The following MKLN1 variants were observed in gnomAD, a reference collection of about 807,000 sequenced individuals.
The protein encoded by MKLN1 is muskelin.
MKLN1 carries 18 observed loss-of-function variants against 99.0 expected under a neutral mutation model. The observed-to-expected ratio is 0.18, with a 90% CI of 0.13 to 0.27. The LOEUF is 0.27. Among genes scored for constraint, MKLN1 ranks in the 10% least tolerant of loss-of-function variants. The pLI is 1.00. For synonymous variants in MKLN1, 288 were observed against 293.2 expected, an observed-to-expected ratio of 0.98 and a Z score of 0.18; for missense variants, 621 against 875.9, an observed-to-expected ratio of 0.71 and a Z score of 3.67.
intron 3 of MKLN1, among the ~76,000 whole-genome samples, chr7:131,237,916 G>A (rs545959020): frequency 6.6e-6 from 1 of 152,316 alleles, no homozygotes; most frequent in East Asian, 1.9e-4. Flanking sequence ...GGAGGCCGAG[G>A]CAGGTGGATC....
At chr7:131,215,895 G>C (rs367797609) in intron 3 of MKLN1, among the ~76,000 whole-genome samples, 54 of 152,088 alleles carry the variant, frequency 3.6e-4, no homozygotes, top group East Asian at 1.4e-3. Flanking sequence ...AGTTTGTTTG[G>C]GGGGGATAGG....
At chr7:131,141,576 T>G (rs1050956404) in intron 1 of MKLN1, among the ~76,000 whole-genome samples, 10 of 152,208 alleles carry the variant, frequency 6.6e-5, no homozygotes, top group African/African-American at 2.4e-4. Context: ...TAAACTACTT[T>G]TAGTACTCAC....
intron 3 of MKLN1, among the ~76,000 whole-genome samples, chr7:131,273,042 C>T (rs940397089): frequency 6.6e-6 from 1 of 152,216 alleles, no homozygotes; most frequent in African/African-American, 2.4e-5. Flanking sequence ...CAGAAGATAT[C>T]ACAGTCTGGT....
chr7:131,296,159 C>T (rs184188332), intron 3 of MKLN1, among the ~76,000 whole-genome samples: 1 of 152,160 alleles, frequency 6.6e-6, no homozygotes, highest in East Asian at 1.9e-4. Context: ...GGAATTTATC[C>T]TACAGAGAGT....
intron 3 of MKLN1, among the ~76,000 whole-genome samples, chr7:131,210,080 G>A (rs963393135): frequency 6.6e-6 from 1 of 152,156 alleles, no homozygotes; most frequent in African/African-American, 2.4e-5. Context: ...ATATAAGAAG[G>A]TTAAGGGAAA....
rs1204193999 is a variant in MKLN1, at chr7:131,449,353, T to C, written c.1525+3450T>C. On this transcript the variant is annotated intron_variant, in intron 12 of 17. Transcript: ENST00000352689. ...AAATGCAAGGAGTTTGGATTTTTTT[T>C]CTGAATAAAATAGATTATTCAAAGG... is the stretch of plus-strand genomic sequence containing the variant. Among the ~76,000 whole-genome samples, 5 of 152,222 alleles carry C rather than the reference T, an allele frequency of 3.3e-5. 1 individual carries two copies. The East Asian group carries it at 9.6e-4, about 29-fold the overall frequency.
chr7:131,372,600 A>G (rs1000962038), intron 1 of MKLN1, among the ~76,000 whole-genome samples: 2 of 152,100 alleles, frequency 1.3e-5, no homozygotes, highest in African/African-American at 4.8e-5. Context: ...TGTAGAATAC[A>G]TAATAATTTA....
chr7:131,469,771 A>G (rs1796766487), intron 15 of MKLN1, among the ~76,000 whole-genome samples: 1 of 152,254 alleles, frequency 6.6e-6, no homozygotes. Context: ...TAATTATGGT[A>G]TAACAGAGAC....
chr7:131,245,453 A>T (rs1223001976), intron 3 of MKLN1, among the ~76,000 whole-genome samples: 2 of 152,014 alleles, frequency 1.3e-5, no homozygotes, highest in African/African-American at 4.8e-5. Flanking sequence ...TTTTTAGTAG[A>T]GATGGGGTTT....
chr7:131,388,842 A>G, intron 3 of MKLN1, 42 bp from the exon 4 acceptor site: 1 of 1,348,690 alleles, frequency 7.4e-7, no homozygotes. Context: ...GCATTTACTA[A>G]ATTATGAAGT....
chr7:131,441,739 G>A (rs1771593586), intron 10 of MKLN1, among the ~76,000 whole-genome samples: 1 of 152,116 alleles, frequency 6.6e-6, no homozygotes, highest in African/African-American at 2.4e-5. Context: ...TCAAAATTAA[G>A]CTTGAATATT....
intron 16 of MKLN1, chr7:131,472,080 T>C (rs901124122): frequency 6.6e-6 from 1 of 152,174 alleles, no homozygotes; most frequent in African/African-American, 2.4e-5. Flanking sequence ...ACTGTGCAAA[T>C]AGGAGAAATA....
Position 131,390,075 on chromosome 7 carries a change from A to G in MKLN1, c.400+1103A>G, listed in dbSNP as rs948241157. Among the ~76,000 whole-genome samples the G allele has an allele frequency of 6.6e-5, 10 of 152,186 alleles. No homozygotes were observed. In the East Asian group the frequency reaches 1.7e-3, roughly 26 times the overall value. On this transcript the variant is annotated intron_variant, in intron 4 of 17. Coordinates refer to ENST00000352689, the MANE Select transcript of MKLN1 (RefSeq NM_013255.5). ...GAGCAAACATAGTCATTGTTTGCCA[A>G]TCTATCAAGAGTTGCTGCCATTTTG...
At chr7:131,169,861 T>C (rs111473203) in intron 2 of MKLN1, among the ~76,000 whole-genome samples, 7,291 of 152,300 alleles carry the variant, frequency 0.048, 233 homozygotes, top group Non-Finnish European at 0.066. Context: ...AGAAATATTG[T>C]TCATAATGTT....
At chr7:131,408,422 T>C (rs760994276) in intron 6 of MKLN1, among the ~76,000 whole-genome samples, 8 of 152,248 alleles carry the variant, frequency 5.3e-5, no homozygotes, top group Non-Finnish European at 1.0e-4. Context: ...ATTTCTTTTG[T>C]ATGTAATCTC....
At chr7:131,324,653 C>G (rs1041380264), upstream of MKLN1, among the ~76,000 whole-genome samples, 4 of 152,088 alleles carry the variant, frequency 2.6e-5, no homozygotes, top group African/African-American at 9.7e-5. Flanking sequence ...CATTATGAAA[C>G]TATAGGATGA....
rs1439167612 is a variant in MKLN1, at chr7:131,490,245, T to C, written c.*2517T>C. ...AATTATTCTAGCCTAGGTGAATCCC[T>C]AATTGAAACACCTGGCTAACACTTT... On this transcript the variant is annotated 3_prime_UTR_variant, in exon 18 of 18. Transcript: ENST00000352689. 1.3e-5 allele frequency: 2 copies of C among 152,632 alleles called. No homozygotes were observed. Among genetic ancestry groups the C allele is most frequent in the East Asian group, 3.8e-4 (2 of 5,204 alleles). 9.5% of individuals were successfully genotyped at this position (152,632 alleles called of 1,614,324 possible).
intron 3 of MKLN1, among the ~76,000 whole-genome samples, chr7:131,286,415 A>C (rs1798133134): frequency 1.3e-5 from 2 of 152,192 alleles, no homozygotes; most frequent in Non-Finnish European, 2.9e-5. Flanking sequence ...GGAATGGAGG[A>C]CATGCTAAAA....
chr7:131,382,270 C>T (rs561583795), intron 2 of MKLN1, among the ~76,000 whole-genome samples: 1 of 151,830 alleles, frequency 6.6e-6, no homozygotes, highest in East Asian at 1.9e-4. Flanking sequence ...GAGGCTGAGG[C>T]ACAAGAATCA....
Sources: gnomAD v4.1 joint callset for allele counts (sites outside exome capture counted in the v4.1 genomes callset) on GRCh38, gnomAD v4.1.1 for gene constraint, MANE v1.5 for transcripts, NCBI Gene and HGNC (gene_info 2026-07-23, HGNC 2026-07-21) for gene names.